URB2: variants seen among roughly 807,000 people sequenced by gnomAD.
The protein encoded by URB2 is URB2 ribosome biogenesis homolog, also known as unhealthy ribosome biogenesis protein 2 homolog.
URB2 carries 86 observed loss-of-function variants against 120.9 expected under a neutral mutation model. The ratio of observed to expected loss-of-function variants is 0.71; its 90% confidence interval spans 0.60 to 0.85. URB2 has a LOEUF of 0.85. Among genes scored for constraint, URB2 ranks in the 40% least tolerant of loss-of-function variants. URB2 has a pLI of 0.00. For synonymous variants in URB2, 755 were observed against 758.4 expected, an observed-to-expected ratio of 1.00 and a Z score of 0.07; for missense variants, 1,765 against 1,836.5, an observed-to-expected ratio of 0.96 and a Z score of 0.71.
At position 229,626,317 on chromosome 1, in the gene URB2, G is replaced by A. The variant is rs1665472814; in HGVS notation, c.-53G>A. ...CGCCGTCCTCCCCTGTCTACCCGGA[G>A]CTGTCTCGAGCTGAGCCCCCTACCG... On this transcript the variant is annotated 5_prime_UTR_variant, in exon 1 of 10. Transcript: ENST00000258243. 6.5e-6 allele frequency: 1 copy of A among 153,188 alleles called. No individual in the cohort carries two copies. Among genetic ancestry groups the A allele is most frequent in the Non-Finnish European group, 1.5e-5 (1 of 68,704 alleles). The allele number at this position is 153,188 out of a possible 1,614,324, so 9.5% of individuals were successfully genotyped here. A position where few individuals can be genotyped will look rare whatever the true frequency, so the allele number is the denominator to read the frequency against.
At chr1:229,653,950 T>G (rs1393677087) in intron 8 of URB2, among the ~76,000 whole-genome samples, 2 of 150,634 alleles carry the variant, frequency 1.3e-5, no homozygotes, top group Non-Finnish European at 1.5e-5. Flanking sequence ...TTTTTTTTTT[T>G]TTTTTTTTTT....
At chr1:229,627,484 T>C (rs1271693324) in intron 1 of URB2, 137 bp from the exon 2 acceptor site, 1 of 816,046 alleles carries the variant, frequency 1.2e-6, no homozygotes, top group Non-Finnish European at 1.7e-6. Flanking sequence ...CCGACAAATC[T>C]GTTGATTCAT....
intron 9 of URB2, among the ~76,000 whole-genome samples, chr1:229,656,896 G>C (rs182981628): frequency 6.6e-6 from 1 of 152,190 alleles, no homozygotes; most frequent in Admixed American, 6.5e-5. Flanking sequence ...TTAGGAGGGG[G>C]CTGTGTCCCA....
chr1:229,627,293 A>G (rs1341463077), intron 1 of URB2, among the ~76,000 whole-genome samples: 1 of 152,220 alleles, frequency 6.6e-6, no homozygotes, highest in Non-Finnish European at 1.5e-5. Flanking sequence ...TCCACAAGTA[A>G]TGTAATCACT....
At chr1:229,657,324 C>G (rs1666428018) in intron 9 of URB2, among the ~76,000 whole-genome samples, 1 of 152,138 alleles carries the variant, frequency 6.6e-6, no homozygotes. Flanking sequence ...CTTCTTACTA[C>G]CCCCAGAGCT....
At chr1:229,629,030 G>T (rs907991208) in intron 2 of URB2, among the ~76,000 whole-genome samples, 1 of 152,200 alleles carries the variant, frequency 6.6e-6, no homozygotes, top group African/African-American at 2.4e-5. Context: ...TTGGATCAAG[G>T]TTTCTGCTGT....
chr1:229,647,385 C>A, intron 6 of URB2, 125 bp from the exon 7 acceptor site: 1 of 1,211,638 alleles, frequency 8.3e-7, no homozygotes, highest in Non-Finnish European at 1.1e-6. Flanking sequence ...TTTAACGGCC[C>A]ACGGACCACA....
intron 7 of URB2, among the ~76,000 whole-genome samples, chr1:229,650,645 G>T (rs532024888): frequency 6.6e-6 from 1 of 152,158 alleles, no homozygotes; most frequent in East Asian, 1.9e-4. Flanking sequence ...TGGCCAGGCT[G>T]GTCTCCAACT....
chr1:229,636,577 A>G lies in URB2; in HGVS notation c.1964A>G (p.His655Arg). Residue 655 changes from histidine (H) to arginine (R), a missense_variant, in exon 4 of 10, where the codon CAT becomes CGT. Coordinates refer to ENST00000258243, the MANE Select transcript of URB2 (RefSeq NM_014777.4). ...PSLLPGVKTQ[H>R]WKKIEKFTAQ... ...TTGCTCCCAGGTGTAAAAACACAGC[A>G]TTGGAAGAAGATAGAGAAGTTTACA... 1 of 1,614,166 alleles carries G rather than the reference A, an allele frequency of 6.2e-7. No individual in the cohort carries two copies. The highest frequency in any genetic ancestry group is 8.5e-7 in the Non-Finnish European group (1 of 1,179,990).
chr1:229,635,848 T>C lies in URB2; in HGVS notation c.1235T>C (p.Leu412Pro), dbSNP rs1240166058. The change falls in exon 4 of 10, where the codon CTG becomes CCG. Residue 412 changes from leucine (L) to proline (P), a missense_variant. Transcript: ENST00000258243. Reference sequence around the variant, plus strand: ...CCCATACCGGCCTGGTTCCGCTGTCTGAAGACTTTGATATCTCTGAATCAT... The same window carrying C: ...CCCATACCGGCCTGGTTCCGCTGTCCGAAGACTTTGATATCTCTGAATCAT... ...QAPIPAWFRC[L>P]KTLISLNHLI... is the part of the protein sequence containing the mutation. 6.2e-7 allele frequency: 1 copy of C among 1,614,034 alleles called. No individual in the cohort carries two copies. The highest frequency in any genetic ancestry group is 8.5e-7 in the Non-Finnish European group (1 of 1,179,998).
intron 7 of URB2, 172 bp from the exon 8 acceptor site, chr1:229,651,063 C>T (rs1025994072): frequency 3.6e-5 from 16 of 445,096 alleles, no homozygotes; most frequent in Non-Finnish European, 4.4e-5. Flanking sequence ...GATGGGTGAG[C>T]AGTGACAGCA....
rs114156610 is a variant in URB2, at chr1:229,637,326, C to A, written c.2713C>A (p.Gln905Lys). 6.2e-7 allele frequency: 1 copy of A among 1,614,090 alleles called. No homozygotes were observed. The highest frequency in any genetic ancestry group is 8.5e-7 in the Non-Finnish European group (1 of 1,180,040). The change falls in exon 4 of 10, where the codon CAG becomes AAG. Residue 905 changes from glutamine (Q) to lysine (K), a missense_variant. Coordinates refer to ENST00000258243, the MANE Select transcript of URB2 (RefSeq NM_014777.4). The stretch of plus-strand genomic sequence containing the variant: ...GCTTTTGGAAGTGATTTCTGCCTTA[C>A]AGCTGGACAGCCTCTTGCCACCCTA... The part of the protein sequence containing the change: ...LGLLEVISAL[Q>K]LDSLLPPYHV...
At chr1:229,655,539 A>G (rs1271802057) in intron 9 of URB2, among the ~76,000 whole-genome samples, 1 of 152,172 alleles carries the variant, frequency 6.6e-6, no homozygotes, top group Admixed American at 6.6e-5. Context: ...CAGCCATTCA[A>G]CAGTTATCTT....
rs553475393 is a variant in URB2 at position 229,637,978 on chromosome 1, C to T, written c.3365C>T (p.Thr1122Met). ...TCGGTCCTCATCTCATCCGTCAGCACGCTCTTGGAAGCCGACCTGGGTCAG... is the reference window on the plus strand; with the variant it reads ...TCGGTCCTCATCTCATCCGTCAGCATGCTCTTGGAAGCCGACCTGGGTCAG... ...LPSVLISSVS[T>M]LLEADLGQHC... Residue 1122 changes from threonine (T) to methionine (M), a missense_variant, in exon 4 of 10, where the codon ACG becomes ATG. Thr to Met is a moderately conservative substitution (Grantham distance 81). Coordinates refer to ENST00000258243, the MANE Select transcript of URB2 (RefSeq NM_014777.4). 1.4e-5 allele frequency: 23 copies of T among 1,613,762 alleles called. No individual in the cohort carries two copies. In the East Asian group the frequency reaches 2.7e-4, roughly 19 times the overall value.
At chr1:229,641,836 A>T (rs913383129) in intron 4 of URB2, among the ~76,000 whole-genome samples, 2 of 152,238 alleles carry the variant, frequency 1.3e-5, no homozygotes, top group Admixed American at 1.3e-4. Context: ...AACCTGGGTG[A>T]AAAAGCAAAA....
intron 8 of URB2, 117 bp downstream of exon 8, chr1:229,651,439 T>C (rs1016743621): frequency 5.2e-6 from 4 of 763,762 alleles, no homozygotes; most frequent in Non-Finnish European, 7.6e-6. Flanking sequence ...AGAGAAATGA[T>C]ATCAAATGAA....
At chr1:229,639,297 TA>T (rs899738145) in intron 4 of URB2, among the ~76,000 whole-genome samples, 1 of 150,250 alleles carries the variant, frequency 6.7e-6, no homozygotes, top group African/African-American at 2.4e-5. Flanking sequence ...TCCTGTCTCA[TA>T]AAAAAATAAA....
Position 229,636,496 on chromosome 1 carries a change from A to G in URB2, c.1883A>G (p.His628Arg). Reference protein sequence around the residue: ...AMFSLNCSQYHSMSGPLIGVA... With the variant: ...AMFSLNCSQYRSMSGPLIGVA... ...TTCAGTTTGAACTGTAGCCAGTATC[A>G]CTCTATGTCTGGGCCCCTTATAGGT... Residue 628 changes from histidine (H) to arginine (R), a missense_variant, in exon 4 of 10, where the codon CAC becomes CGC. His to Arg is a conservative substitution (Grantham distance 29, BLOSUM62 0). Coordinates refer to ENST00000258243, the MANE Select transcript of URB2 (RefSeq NM_014777.4). 1 of 1,613,948 alleles carries G rather than the reference A, an allele frequency of 6.2e-7. No individual in the cohort carries two copies. Among genetic ancestry groups the G allele is most frequent in the Non-Finnish European group, 8.5e-7 (1 of 1,179,998 alleles).
intron 2 of URB2, among the ~76,000 whole-genome samples, chr1:229,630,597 G>A (rs915586474): frequency 1.2e-4 from 18 of 152,148 alleles, no homozygotes; most frequent in African/African-American, 4.3e-4. Context: ...GAGCACTGGC[G>A]TCAAAGTTAC....
Sources: gnomAD v4.1 joint callset for allele counts (sites outside exome capture counted in the v4.1 genomes callset) on GRCh38, gnomAD v4.1.1 for gene constraint, MANE v1.5 for transcripts, NCBI Gene and HGNC (gene_info 2026-07-23, HGNC 2026-07-21) for gene names.